TNNI3K: variants seen among roughly 807,000 people sequenced by gnomAD.
TNNI3K encodes serine/threonine-protein kinase TNNI3K.
In TNNI3K, 140 loss-of-function variants were observed where a neutral mutation model predicts 114.5. The ratio of observed to expected loss-of-function variants is 1.22; its 90% CI spans 1.07 to 1.41. The LOEUF (loss-of-function observed/expected upper bound fraction) is 1.41. TNNI3K is among the 40% of genes most tolerant of loss of function. The pLI, the probability that TNNI3K is intolerant of heterozygous loss-of-function variation, is 0.00. For synonymous variants in TNNI3K, 347 were observed against 347.5 expected (o/e 1.00, Z 0.02); for missense variants, 1,125 against 1,007.6 (o/e 1.12, Z -1.58).
chr1:74,279,941 G>C (rs1324612160), intron 5 of TNNI3K, among the ~76,000 whole-genome samples: 1 of 152,120 alleles, frequency 6.6e-6, no homozygotes, highest in Non-Finnish European at 1.5e-5. Context: ...AAGAGGCAGA[G>C]CAAAATAGCT....
intron 4 of TNNI3K, among the ~76,000 whole-genome samples, chr1:74,264,187 A>AG (rs2100877608): frequency 6.6e-6 from 1 of 151,960 alleles, no homozygotes; most frequent in South Asian, 2.1e-4. Flanking sequence ...CAAAATTTCA[A>AG]GCAAAGTCAA....
At chr1:74,325,217 G>A (rs1659833674) in intron 5 of TNNI3K, among the ~76,000 whole-genome samples, 1 of 152,148 alleles carries the variant, frequency 6.6e-6, no homozygotes, top group African/African-American at 2.4e-5. Context: ...CAGGCTTTTG[G>A]AGTTATGTCT....
In TNNI3K at chr1:74,248,792, G is replaced by T. The variant is rs962852212; in HGVS notation, c.150-667G>T. On this transcript the variant is annotated intron_variant, in intron 2 of 24. Transcript: ENST00000326637. ...CCCTCTCCCCTCAAGGCAGGTCATA[G>T]AAACTAGAACTTACAGAGTTATTCC... Among the ~76,000 whole-genome samples the T allele has an allele frequency of 5.9e-5, 9 of 152,220 alleles. No homozygotes were observed. In the East Asian group the frequency reaches 1.5e-3, roughly 26 times the overall value.
intron 5 of TNNI3K, among the ~76,000 whole-genome samples, chr1:74,316,439 C>A (rs1659305704): frequency 6.6e-6 from 1 of 152,166 alleles, no homozygotes; most frequent in African/African-American, 2.4e-5. Flanking sequence ...CATCTCCACT[C>A]TTTTTATATT....
At chr1:74,451,696 TTTCTTTCTTTC>T (rs1667020341) in intron 20 of TNNI3K, among the ~76,000 whole-genome samples, 8 of 73,952 alleles carry the variant, frequency 1.1e-4, no homozygotes, top group Admixed American at 3.6e-4. Flanking sequence ...TCTTTCTTTC[TTTCTTTCTTTC>T]TTTCTTTCTT....
At chr1:74,360,701 C>T (rs747128209) in intron 11 of TNNI3K, among the ~76,000 whole-genome samples, 3 of 152,022 alleles carry the variant, frequency 2.0e-5, no homozygotes, top group Non-Finnish European at 4.4e-5. Context: ...ACTTGGTCTT[C>T]AAGACTTAGT....
At chr1:74,407,899 C>T (rs553788991) in intron 17 of TNNI3K, among the ~76,000 whole-genome samples, 1 of 152,128 alleles carries the variant, frequency 6.6e-6, no homozygotes, top group African/African-American at 2.4e-5. Context: ...TTTGCAGACC[C>T]TACAGGTATA....
chr1:74,399,040 C>T (rs1454649309), intron 17 of TNNI3K, among the ~76,000 whole-genome samples: 2 of 151,372 alleles, frequency 1.3e-5, no homozygotes, highest in South Asian at 2.1e-4. Flanking sequence ...CCTGTAATCC[C>T]AGCTACTCAG....
intron 17 of TNNI3K, among the ~76,000 whole-genome samples, chr1:74,384,316 A>G (rs977892488): frequency 3.9e-5 from 6 of 152,186 alleles, no homozygotes; most frequent in African/African-American, 1.2e-4. Context: ...AAGCCTGCCT[A>G]TAAAAAACAA....
At chr1:74,290,718 T>G (rs11210445) in intron 5 of TNNI3K, among the ~76,000 whole-genome samples, 109,065 of 151,428 alleles carry the variant, frequency 0.72, 40,815 homozygotes, top group East Asian at 0.88. Flanking sequence ...CTTTTTAGTT[T>G]TTCTTATTAC....
Position 74,336,085 on chromosome 1 carries a change from AGCATCT to A in TNNI3K, c.622_627del (p.Ser208_Ala209del), listed in dbSNP as rs2100425133. 1 of 1,603,458 alleles carries A rather than the reference AGCATCT, an allele frequency of 6.2e-7. No homozygotes were observed. Among genetic ancestry groups the A allele is most frequent in the South Asian group, 1.1e-5 (1 of 88,794 alleles). On this transcript the variant is annotated inframe_deletion, in exon 7 of 25. Coordinates refer to ENST00000326637, the MANE Select transcript of TNNI3K (RefSeq NM_015978.3). ...AAGTTGGAGATAGACCCCTCCACCT[AGCATCT>A]GCAAAAGGATTCTTGAATATTGCAA...
At chr1:74,446,525 G>T (rs1038792368) in intron 20 of TNNI3K, among the ~76,000 whole-genome samples, 1 of 146,350 alleles carries the variant, frequency 6.8e-6, no homozygotes, top group African/African-American at 2.6e-5. Flanking sequence ...CTTTTGCTGT[G>T]CAGAAGCTCT....
At chr1:74,346,978 A>T (rs1159983691) in intron 9 of TNNI3K, among the ~76,000 whole-genome samples, 1 of 151,168 alleles carries the variant, frequency 6.6e-6, no homozygotes, top group Non-Finnish European at 1.5e-5. Flanking sequence ...TAAATTAAAT[A>T]CCTATTTATT....
chr1:74,533,229 T>A (rs1274843236), intron 23 of TNNI3K, among the ~76,000 whole-genome samples: 1 of 151,584 alleles, frequency 6.6e-6, no homozygotes, highest in Admixed American at 6.6e-5. Context: ...AAAACAAACA[T>A]CCCCATCAAA....
intron 23 of TNNI3K, among the ~76,000 whole-genome samples, chr1:74,507,626 TG>T (rs1669974268): frequency 6.6e-6 from 1 of 152,194 alleles, no homozygotes; most frequent in Non-Finnish European, 1.5e-5. Flanking sequence ...TTTGCTTTAA[TG>T]TACTTCTTGT....
intron 17 of TNNI3K, among the ~76,000 whole-genome samples, chr1:74,427,161 A>G (rs1570606611): frequency 6.6e-6 from 1 of 152,114 alleles, no homozygotes; most frequent in East Asian, 1.9e-4. Flanking sequence ...TCACATGTAA[A>G]TGTCCAGTGC....
At chr1:74,513,291 C>T (rs1167673833) in intron 23 of TNNI3K, among the ~76,000 whole-genome samples, 2 of 152,096 alleles carry the variant, frequency 1.3e-5, no homozygotes, top group African/African-American at 4.8e-5. Context: ...TTACTGAGTC[C>T]CTGTCCTTTC....
At chr1:74,320,264 AT>A (rs1307102335) in intron 5 of TNNI3K, among the ~76,000 whole-genome samples, 1 of 152,082 alleles carries the variant, frequency 6.6e-6, no homozygotes, top group Non-Finnish European at 1.5e-5. Context: ...TGTGTTCTTC[AT>A]TTTGATAAAC....
chr1:74,424,519 G>T (rs1665537644), intron 17 of TNNI3K, among the ~76,000 whole-genome samples: 1 of 152,006 alleles, frequency 6.6e-6, no homozygotes, highest in South Asian at 2.1e-4. Flanking sequence ...AGGAGTTTGA[G>T]ACCAGCCTGG....
Sources: allele counts gnomAD v4.1 joint callset (sites outside exome capture counted in the v4.1 genomes callset), GRCh38; gene constraint gnomAD v4.1.1; transcripts MANE v1.5; gene names NCBI Gene and HGNC (gene_info 2026-07-23, HGNC 2026-07-21).